The following COL18A1 variants were observed in gnomAD, a reference collection of about 807,000 sequenced individuals.
COL18A1 encodes the protein collagen alpha-1(XVIII) chain.
In COL18A1, 133 loss-of-function variants were observed where a neutral mutation model predicts 168.0. The ratio of observed to expected loss-of-function variants is 0.79; its 90% CI spans 0.69 to 0.91. COL18A1 has a LOEUF of 0.91. Ranked by LOEUF, COL18A1 falls within the 40% of genes least tolerant of loss-of-function variation. The pLI, the probability that COL18A1 is intolerant of heterozygous loss-of-function variation, is 0.00. For synonymous variants in COL18A1, 949 were observed against 809.0 expected (o/e 1.17, Z -2.94); for missense variants, 2,126 against 1,925.4 (o/e 1.10, Z -1.95).
chr21:45,482,404 C>T, intron 14 of COL18A1: 2 of 612,724 alleles, frequency 3.3e-6, no homozygotes, highest in African/African-American at 1.8e-5. Context: ...CGTCTGGCCC[C>T]CTGGGGAGCG....
intron 36 of COL18A1, 89 bp from the exon 37 acceptor site, chr21:45,505,749 C>T (rs1322131390): frequency 9.1e-7 from 1 of 1,102,514 alleles, no homozygotes; most frequent in Non-Finnish European, 1.3e-6. Context: ...CGGCCCCTGC[C>T]CAGCACCCTG....
At chr21:45,449,091 T>A (rs2034566007) in intron 2 of COL18A1, among the ~76,000 whole-genome samples, 2 of 152,330 alleles carry the variant, frequency 1.3e-5, no homozygotes, top group African/African-American at 4.8e-5. Context: ...TGCGGCGCTT[T>A]GATCCTCTTG....
At chr21:45,507,781 C>T (rs1460368298) in intron 38 of COL18A1, among the ~76,000 whole-genome samples, 188 bp downstream of exon 38, 1 of 152,196 alleles carries the variant, frequency 6.6e-6, no homozygotes, top group Non-Finnish European at 1.5e-5. Context: ...GCTGGCCCCC[C>T]AGTACCTCCG....
intron 2 of COL18A1, among the ~76,000 whole-genome samples, chr21:45,433,825 A>G (rs944341859): frequency 1.2e-4 from 18 of 152,220 alleles, no homozygotes; most frequent in Non-Finnish European, 1.8e-4. Context: ...GGTTCACTGA[A>G]AGCACTGGCC....
intron 2 of COL18A1, among the ~76,000 whole-genome samples, chr21:45,441,679 G>A (rs1410917733): frequency 1.2e-4 from 19 of 152,332 alleles, no homozygotes; most frequent in African/African-American, 2.9e-4. Context: ...ATGTTCTGCC[G>A]CTGGCTCTTC....
At chr21:45,482,509 G>A (rs898784733) in intron 14 of COL18A1, 4 of 594,870 alleles carry the variant, frequency 6.7e-6, no homozygotes, top group African/African-American at 3.7e-5. Flanking sequence ...GCCTGTGGCT[G>A]AGCTGAAGGG....
At chr21:45,470,492 G>GTT (rs71185152) in intron 3 of COL18A1, among the ~76,000 whole-genome samples, 48 of 40,804 alleles carry the variant, frequency 1.2e-3, no homozygotes, top group Non-Finnish European at 1.7e-3. Context: ...TTTTTTTTTT[G>GTT]TTTTTTTTTT....
chr21:45,434,444 T>G (rs1602372306), intron 2 of COL18A1, among the ~76,000 whole-genome samples: 2 of 152,112 alleles, frequency 1.3e-5, no homozygotes, highest in East Asian at 3.9e-4. Flanking sequence ...CCTACTTTCC[T>G]TGCTCTCTCC....
intron 2 of COL18A1, among the ~76,000 whole-genome samples, chr21:45,454,133 G>C (rs1281973478): frequency 6.6e-6 from 1 of 152,194 alleles, no homozygotes; most frequent in Non-Finnish European, 1.5e-5. Flanking sequence ...ATTCGTTTTG[G>C]GAGCACGGCC....
At position 45,473,840 on chromosome 21, in the gene COL18A1, G is replaced by A; in HGVS notation, c.652-55G>A. 1 of 1,416,492 alleles carries A rather than the reference G, an allele frequency of 7.1e-7. No homozygotes were observed. The highest frequency in any genetic ancestry group is 9.8e-7 in the Non-Finnish European group (1 of 1,024,496). 87.7% of individuals were successfully genotyped at this position (1,416,492 alleles called of 1,614,324 possible). ...AAATCTGGAGCTCAAGCAGCACCGGGGTTGCCACTGCCACCTCAGGACCGC... is the reference window on the plus strand; with the variant it reads ...AAATCTGGAGCTCAAGCAGCACCGGAGTTGCCACTGCCACCTCAGGACCGC... On this transcript the variant is annotated intron_variant, in intron 3 of 41. Transcript: ENST00000651438. This position sits in a 1 kb window ranked among gnomAD's most constrained non-coding sequence, Gnocchi z 4.0.
chr21:45,501,802 C>A (rs1164410617), intron 32 of COL18A1, among the ~76,000 whole-genome samples: 1 of 59,104 alleles, frequency 1.7e-5, no homozygotes, highest in Admixed American at 1.4e-4. Context: ...GGTCACCTCT[C>A]TCTGCAGAAG....
intron 2 of COL18A1, among the ~76,000 whole-genome samples, chr21:45,436,931 C>T (rs955178497): frequency 6.6e-6 from 1 of 151,290 alleles, no homozygotes; most frequent in Non-Finnish European, 1.5e-5. Flanking sequence ...TAGGGGCGAG[C>T]CGGGCTGCGC....
intron 2 of COL18A1, among the ~76,000 whole-genome samples, chr21:45,444,807 C>G (rs77779491): frequency 0.022 from 3,348 of 152,118 alleles, 137 homozygotes; most frequent in African/African-American, 0.076. Flanking sequence ...TGATATAGCC[C>G]CTCTAAAAAT....
chr21:45,498,144 A>G lies in COL18A1; in HGVS notation c.2683+483A>G. 1 of 651,404 alleles carries G rather than the reference A, an allele frequency of 1.5e-6. No homozygotes were observed. Among genetic ancestry groups the G allele is most frequent in the Non-Finnish European group, 2.8e-6 (1 of 359,274 alleles). The allele number at this position is 651,404 out of a possible 1,614,324, so 40.4% of individuals were successfully genotyped here. A position where few individuals can be genotyped will look rare whatever the true frequency, so the allele number is the denominator to read the frequency against. On this transcript the variant is annotated intron_variant, in intron 32 of 41. Coordinates refer to ENST00000651438, the MANE Select transcript of COL18A1 (RefSeq NM_001379500.1). The surrounding 1 kb of genome is among the most constrained non-coding windows in gnomAD (Gnocchi z 4.5). The stretch of plus-strand genomic sequence containing the variant: ...GAATTCCCCCCTGAGCCCCACCTCC[A>G]TTGAGGGTGGCAGGGCTGCTTGGAT...
chr21:45,486,907 G>T lies in COL18A1; in HGVS notation c.1748G>T (p.Gly583Val), dbSNP rs895057771. The T allele has an allele frequency of 2.6e-6, 4 of 1,523,036 alleles. No individual in the cohort carries two copies. In the African/African-American group the frequency reaches 5.6e-5, roughly 21 times the overall value. 94.3% of individuals were successfully genotyped at this position (1,523,036 alleles called of 1,614,324 possible). ...PGPAGARGES[G>V]LAGAPGPAGP... ...CCTGCTGGTGCTCGTGGGGAGAGCG[G>T]CCTGGCAGGAGCCCCCGGACCTGCT... The change falls in exon 16 of 42, where the codon GGC becomes GTC. Residue 583 changes from glycine (G) to valine (V), a missense_variant. Physicochemically the swap from Gly to Val is moderately radical, Grantham distance 109. Coordinates refer to ENST00000651438, the MANE Select transcript of COL18A1 (RefSeq NM_001379500.1).
At chr21:45,476,751 T>C (rs2035676065) in intron 6 of COL18A1, among the ~76,000 whole-genome samples, 1 of 151,328 alleles carries the variant, frequency 6.6e-6, no homozygotes. Context: ...CATGTGTGTG[T>C]GCAGTGTGTG....
chr21:45,496,604 C>T, intron 30 of COL18A1, 36 bp downstream of exon 30: 2 of 848,418 alleles, frequency 2.4e-6, no homozygotes, highest in South Asian at 1.3e-5. Flanking sequence ...CTACAGCCAC[C>T]CTTGGCTGTC....
intron 41 of COL18A1, 140 bp downstream of exon 41, chr21:45,511,366 A>G: frequency 1.5e-6 from 1 of 679,760 alleles, no homozygotes; most frequent in African/African-American, 1.8e-5. Flanking sequence ...CAAAATCCAA[A>G]AGAGCATTGA....
chr21:45,442,089 C>T (rs1240703470), intron 2 of COL18A1, among the ~76,000 whole-genome samples: 1 of 152,238 alleles, frequency 6.6e-6, no homozygotes, highest in African/African-American at 2.4e-5. Flanking sequence ...GCCCATTTGC[C>T]CTGACTGCAC....
Sources: allele counts gnomAD v4.1 joint callset (sites outside exome capture counted in the v4.1 genomes callset), GRCh38; gene constraint gnomAD v4.1.1; non-coding constraint Gnocchi (gnomAD v3.1); transcripts MANE v1.5; gene names NCBI Gene and HGNC (gene_info 2026-07-23, HGNC 2026-07-21).